Variants in HORMAD2 observed in about 807,000 individuals in gnomAD.
HORMAD2 encodes the protein HORMA domain-containing protein 2.
A neutral mutation model predicts 38.8 loss-of-function variants in HORMAD2; 45 were observed. The ratio of observed to expected loss-of-function variants is 1.16; its 90% CI spans 0.91 to 1.49. HORMAD2 has a LOEUF of 1.49. Ranked by LOEUF, HORMAD2 falls within the 40% of genes most tolerant of loss-of-function variation. HORMAD2 has a pLI of 0.00. For missense variants in HORMAD2, 338 were observed against 367.0 expected (o/e 0.92, Z 0.65); for synonymous variants, 126 against 122.8 (o/e 1.03, Z -0.17).
intron 5 of HORMAD2, chr22:30,105,109 G>A (rs1053310863): frequency 1.8e-5 from 3 of 165,008 alleles, no homozygotes; most frequent in Admixed American, 6.5e-5. Context: ...CCTTGGCAGC[G>A]GCTTTCCTCA....
intron 1 of HORMAD2, among the ~76,000 whole-genome samples, chr22:30,084,155 A>G (rs147397613): frequency 1.3e-5 from 2 of 152,290 alleles, no homozygotes; most frequent in African/African-American, 4.8e-5. Flanking sequence ...CTGTAACAAT[A>G]CCTGAGGCTG....
chr22:30,084,419 C>A (rs2068534990), intron 1 of HORMAD2, among the ~76,000 whole-genome samples: 1 of 152,144 alleles, frequency 6.6e-6, no homozygotes. Context: ...CACCTAATCA[C>A]CTCTTAAAGG....
the HORMAD2 span, among the ~76,000 whole-genome samples, chr22:30,193,864 G>A: frequency 6.6e-5 from 10 of 152,164 alleles, no homozygotes; most frequent in African/African-American, 2.4e-4. Flanking sequence ...GACAGCTGGG[G>A]CCCTTAAGAG....
intron 2 of HORMAD2, among the ~76,000 whole-genome samples, chr22:30,095,897 A>G (rs1018321009): frequency 7.2e-5 from 11 of 152,154 alleles, no homozygotes; most frequent in African/African-American, 2.4e-4. Context: ...CAGATCAGAA[A>G]CCAGAACACT....
intron 5 of HORMAD2, among the ~76,000 whole-genome samples, chr22:30,108,045 T>C (rs1300118079): frequency 1.3e-5 from 2 of 151,932 alleles, no homozygotes; most frequent in African/African-American, 4.8e-5. Context: ...ATTTTTGTAT[T>C]TTTAAAGTAG....
At chr22:30,086,994 A>G (rs760497817) in intron 1 of HORMAD2, among the ~76,000 whole-genome samples, 1 of 151,988 alleles carries the variant, frequency 6.6e-6, no homozygotes, top group African/African-American at 2.4e-5. Flanking sequence ...GGGTTTCTCC[A>G]TGTTGGTCAA....
At chr22:30,125,624 T>A (rs1922810889) in intron 10 of HORMAD2, among the ~76,000 whole-genome samples, 1 of 152,204 alleles carries the variant, frequency 6.6e-6, no homozygotes, top group South Asian at 2.1e-4. Context: ...TTGGATATCC[T>A]TAAGAAATCC....
the HORMAD2 span, among the ~76,000 whole-genome samples, chr22:30,191,787 A>T: frequency 6.6e-6 from 1 of 152,220 alleles, no homozygotes; most frequent in Non-Finnish European, 1.5e-5. Flanking sequence ...TTTTGCTTGT[A>T]GCTCTGAATT....
At chr22:30,157,827 A>AT (rs1925179579) in intron 10 of HORMAD2, among the ~76,000 whole-genome samples, 1 of 152,216 alleles carries the variant, frequency 6.6e-6, no homozygotes, top group Non-Finnish European at 1.5e-5. Context: ...AAGAAATTAG[A>AT]TTTTTTAAAA....
chr22:30,180,920 CCCTCTCCTCTCCTCTCCTCTCCTCT>C (rs760542921), downstream of HORMAD2, among the ~76,000 whole-genome samples: 178 of 32,182 alleles, frequency 5.5e-3, 4 homozygotes, highest in Middle Eastern at 0.012. Flanking sequence ...CCTTTCCCTT[CCCTCTCCTCTCCTCTCCTCTCCTCT>C]CCTCTCCTCT....
the HORMAD2 span, among the ~76,000 whole-genome samples, chr22:30,187,157 C>A: frequency 6.6e-6 from 1 of 152,166 alleles, no homozygotes; most frequent in Non-Finnish European, 1.5e-5. Flanking sequence ...AAAATTAATG[C>A]TTTCTTCATT....
the HORMAD2 span, among the ~76,000 whole-genome samples, chr22:30,193,324 T>C: frequency 1.3e-5 from 2 of 152,266 alleles, no homozygotes; most frequent in South Asian, 4.2e-4. Flanking sequence ...CCAATATGTG[T>C]CAGGTATGAG....
intron 10 of HORMAD2, among the ~76,000 whole-genome samples, chr22:30,132,363 C>T (rs1386673759): frequency 6.6e-6 from 1 of 152,100 alleles, no homozygotes; most frequent in Non-Finnish European, 1.5e-5. Context: ...GGGAGGATCA[C>T]CTGAGATCAG....
At chr22:30,110,730 G>GA in intron 5 of HORMAD2, among the ~76,000 whole-genome samples, 1 of 151,968 alleles carries the variant, frequency 6.6e-6, no homozygotes, top group Admixed American at 6.6e-5. Flanking sequence ...GACCTTCCTG[G>GA]AAAAAAGTAC....
At chr22:30,177,898 T>G (rs1481852393), downstream of HORMAD2, among the ~76,000 whole-genome samples, 1 of 151,972 alleles carries the variant, frequency 6.6e-6, no homozygotes, top group East Asian at 1.9e-4. Flanking sequence ...CAGGCTGGTC[T>G]CGAACTCCTG....
chr22:30,111,856 A>G (rs370874897), intron 6 of HORMAD2, 40 bp downstream of exon 6: 6 of 1,508,004 alleles, frequency 4.0e-6, no homozygotes, highest in South Asian at 1.3e-5. Context: ...CTCTGTCTCT[A>G]TTTCATTGTC....
At chr22:30,114,344 T>G (rs1473663474) in intron 7 of HORMAD2, among the ~76,000 whole-genome samples, 1 of 152,186 alleles carries the variant, frequency 6.6e-6, no homozygotes, top group African/African-American at 2.4e-5. Flanking sequence ...ACTAAAACAC[T>G]CAAAGGAGCC....
At chr22:30,119,078 A>C (rs1166231310) in intron 8 of HORMAD2, 31 bp downstream of exon 8, 2 of 1,436,494 alleles carry the variant, frequency 1.4e-6, no homozygotes, top group Non-Finnish European at 1.9e-6. Flanking sequence ...GAACATGAGA[A>C]ATAAATAGGA....
chr22:30,134,043 A>G (rs1923475684), intron 10 of HORMAD2, among the ~76,000 whole-genome samples: 3 of 152,150 alleles, frequency 2.0e-5, no homozygotes, highest in Non-Finnish European at 4.4e-5. Flanking sequence ...TTATCACTAA[A>G]GGTATCATTT....
Sources: gnomAD v4.1 joint callset for allele counts (sites outside exome capture counted in the v4.1 genomes callset) on GRCh38, gnomAD v4.1.1 for gene constraint, MANE v1.5 for transcripts, NCBI Gene and HGNC (gene_info 2026-07-23, HGNC 2026-07-21) for gene names.